The following GRM5 variants were observed in gnomAD, a reference collection of about 807,000 sequenced individuals.
The protein encoded by GRM5 is metabotropic glutamate receptor 5.
In GRM5, 19 loss-of-function variants were observed where a neutral mutation model predicts 83.1. That is an observed-to-expected ratio of 0.23 (90% confidence interval 0.16 to 0.34). The LOEUF (loss-of-function observed/expected upper bound fraction) is 0.34. Ranked by LOEUF, GRM5 falls within the 10% of genes least tolerant of loss-of-function variation. The pLI is 1.00. For synonymous variants in GRM5, 675 were observed against 633.6 expected (o/e 1.07, Z -0.98); for missense variants, 1,160 against 1,588.3 (o/e 0.73, Z 4.58).
intron 2 of GRM5, among the ~76,000 whole-genome samples, chr11:89,028,382 A>G (rs1418313708): frequency 6.6e-6 from 1 of 152,164 alleles, no homozygotes; most frequent in Non-Finnish European, 1.5e-5. Flanking sequence ...CAGGAGTTTG[A>G]GGCCAGCCTT....
chr11:88,619,815 A>C (rs191373745), intron 4 of GRM5, among the ~76,000 whole-genome samples: 2 of 152,284 alleles, frequency 1.3e-5, no homozygotes, highest in Non-Finnish European at 1.5e-5. Flanking sequence ...AAGGATAGTA[A>C]AAGGAAGGAA....
intron 3 of GRM5, among the ~76,000 whole-genome samples, chr11:88,671,602 A>G (rs955913149): frequency 2.0e-5 from 3 of 152,108 alleles, no homozygotes; most frequent in African/African-American, 7.2e-5. Flanking sequence ...AAAATGAACA[A>G]ACTACCGTTA....
chr11:88,863,704 GATAT>G (rs1944610070), intron 2 of GRM5, among the ~76,000 whole-genome samples: 1 of 127,526 alleles, frequency 7.8e-6, no homozygotes, highest in Admixed American at 8.1e-5. Context: ...AGAATTGTCT[GATAT>G]TTAACTTTTA....
chr11:88,975,011 T>C (rs1161235028), intron 2 of GRM5, among the ~76,000 whole-genome samples: 1 of 152,184 alleles, frequency 6.6e-6, no homozygotes, highest in Non-Finnish European at 1.5e-5. Flanking sequence ...ATGAGTGCTG[T>C]TTTAGACATA....
intron 3 of GRM5, among the ~76,000 whole-genome samples, chr11:88,743,333 G>A (rs117689737): frequency 1.3e-5 from 2 of 152,100 alleles, no homozygotes; most frequent in Admixed American, 6.6e-5. Flanking sequence ...TTATGTTCAG[G>A]TTTTACTAGT....
At chr11:88,916,892 A>G (rs1234467147) in intron 2 of GRM5, among the ~76,000 whole-genome samples, 15 of 152,112 alleles carry the variant, frequency 9.9e-5, no homozygotes, top group African/African-American at 3.4e-4. Flanking sequence ...TTCTAGACTC[A>G]CCCTGGGCCA....
chr11:89,019,706 A>AAAC (rs1322941369), intron 2 of GRM5, among the ~76,000 whole-genome samples: 1 of 152,072 alleles, frequency 6.6e-6, no homozygotes, highest in East Asian at 1.9e-4. Context: ...AAACTCTGTC[A>AAAC]AACAACAACA....
At chr11:88,602,871 A>G (rs1938037765) in intron 5 of GRM5, among the ~76,000 whole-genome samples, 1 of 152,216 alleles carries the variant, frequency 6.6e-6, no homozygotes, top group Admixed American at 6.5e-5. Flanking sequence ...ACACACACTC[A>G]ATATATGCTA....
intron 3 of GRM5, among the ~76,000 whole-genome samples, chr11:88,831,997 A>G (rs1329436865): frequency 6.6e-6 from 1 of 152,214 alleles, no homozygotes; most frequent in Non-Finnish European, 1.5e-5. Context: ...CTGGGGCCTG[A>G]GGACTATCTC....
At chr11:88,754,629 T>G (rs1942358068) in intron 3 of GRM5, among the ~76,000 whole-genome samples, 1 of 152,142 alleles carries the variant, frequency 6.6e-6, no homozygotes, top group South Asian at 2.1e-4. Context: ...TATCAATTCC[T>G]ACATTTTCTA....
chr11:88,777,537 C>T, intron 3 of GRM5, among the ~76,000 whole-genome samples: 1 of 152,194 alleles, frequency 6.6e-6, no homozygotes, highest in East Asian at 1.9e-4. Context: ...GAATTTTCAG[C>T]TTTTCTGCTC....
In GRM5 at chr11:88,982,441, A is replaced by T. The variant is rs796690658; in HGVS notation, c.661+64771T>A. Among the ~76,000 whole-genome samples, 3 of 152,308 alleles carry T rather than the reference A, an allele frequency of 2.0e-5. No individual in the cohort carries two copies. The South Asian group carries it at 6.2e-4, about 32-fold the overall frequency. ...TTGGAAAAAGAACTCCACCCATCTT[A>T]TAAAAATTTGTCATTGCCAAATTAT... On this transcript the variant is annotated intron_variant, in intron 2 of 9. Transcript: ENST00000305447.
intron 4 of GRM5, among the ~76,000 whole-genome samples, chr11:88,631,350 C>A (rs1032090714): frequency 6.6e-6 from 1 of 152,076 alleles, no homozygotes; most frequent in African/African-American, 2.4e-5. Context: ...TGCTGTAAAT[C>A]ATCATTCCTA....
At chr11:88,812,631 C>G (rs1304016335) in intron 3 of GRM5, among the ~76,000 whole-genome samples, 1 of 152,100 alleles carries the variant, frequency 6.6e-6, no homozygotes, top group Admixed American at 6.6e-5. Flanking sequence ...CAAACTCTTA[C>G]TGTTGATGTT....
At chr11:88,649,257 TTACA>T (rs1027461319) in intron 4 of GRM5, among the ~76,000 whole-genome samples, 4 of 105,474 alleles carry the variant, frequency 3.8e-5, no homozygotes, top group Non-Finnish European at 5.5e-5. Flanking sequence ...CACATATGTA[TTACA>T]TATATATTAT....
chr11:88,582,981 G>A (rs1390472602), intron 7 of GRM5, among the ~76,000 whole-genome samples: 1 of 151,892 alleles, frequency 6.6e-6, no homozygotes, highest in Non-Finnish European at 1.5e-5. Flanking sequence ...CCTGAGTTTT[G>A]TTTCATTCAA....
intron 3 of GRM5, among the ~76,000 whole-genome samples, chr11:88,763,338 C>A (rs1942567459): frequency 6.6e-6 from 1 of 151,624 alleles, no homozygotes; most frequent in South Asian, 2.1e-4. Context: ...GAAGACATAA[C>A]AATGTCACTG....
intron 2 of GRM5, among the ~76,000 whole-genome samples, chr11:88,967,231 GTATATATATATATACACATATA>G (rs905879513): frequency 7.5e-6 from 1 of 133,644 alleles, no homozygotes; most frequent in South Asian, 2.4e-4. Flanking sequence ...GTGTGTGTAT[GTATATATATATATACACATATA>G]TATATATATA....
At chr11:89,035,085 TG>T (rs1941354045) in intron 2 of GRM5, among the ~76,000 whole-genome samples, 2 of 151,680 alleles carry the variant, frequency 1.3e-5, no homozygotes, top group African/African-American at 4.8e-5. Context: ...AATGAATGAA[TG>T]TATTGAGAAT....
Sources: allele counts gnomAD v4.1 joint callset (sites outside exome capture counted in the v4.1 genomes callset), GRCh38; gene constraint gnomAD v4.1.1; transcripts MANE v1.5; gene names NCBI Gene and HGNC (gene_info 2026-07-23, HGNC 2026-07-21).